PRAG1: variants seen among roughly 807,000 people sequenced by gnomAD.
The protein encoded by PRAG1 is inactive tyrosine-protein kinase PRAG1.
In PRAG1, 110 loss-of-function variants were observed where a neutral mutation model predicts 95.6. The ratio of observed to expected loss-of-function variants is 1.15; its 90% CI spans 0.99 to 1.35. The LOEUF is 1.35. Among genes scored for constraint, PRAG1 ranks in the 40% most tolerant of loss-of-function variants. PRAG1 has a pLI of 0.00. For missense variants in PRAG1, 2,554 were observed against 1,864.7 expected (o/e 1.37, Z -6.81); for synonymous variants, 1,052 against 819.4 (o/e 1.28, Z -4.85).
intron 3 of PRAG1, among the ~76,000 whole-genome samples, chr8:8,348,206 C>A (rs999187652): frequency 6.6e-6 from 1 of 152,184 alleles, no homozygotes; most frequent in Admixed American, 6.5e-5. Flanking sequence ...CATGAGCCAC[C>A]ACACCCAGCA....
rs1799941418 is a variant in PRAG1, at chr8:8,364,449, A to G, written c.2162+11798T>C. Among the ~76,000 whole-genome samples, 3 of 152,212 alleles carry G rather than the reference A, an allele frequency of 2.0e-5. No homozygotes were observed. The South Asian group carries it at 6.2e-4, about 32-fold the overall frequency. Reference sequence around the variant, plus strand: ...GATACACTGCTTTAATTTCTCACCCATCTATTAACTGCTGATGGCATCCTC... The same window carrying G: ...GATACACTGCTTTAATTTCTCACCCGTCTATTAACTGCTGATGGCATCCTC... On this transcript the variant is annotated intron_variant, in intron 3 of 5. Transcript: ENST00000615670.
intron 4 of PRAG1, among the ~76,000 whole-genome samples, chr8:8,333,298 T>A (rs1399214163): frequency 6.6e-6 from 1 of 152,216 alleles, no homozygotes; most frequent in Non-Finnish European, 1.5e-5. Context: ...TCCTTCGAAT[T>A]TCCAATTCTG....
In PRAG1 at chr8:8,377,611, G is replaced by A. The variant is rs971245254; in HGVS notation, c.798C>T (p.Ala266=). Residue 266 remains alanine, a synonymous_variant, in exon 3 of 6, where the codon GCC becomes GCT. Transcript: ENST00000615670. ...ILDCCPGSPV[A]KAASQTAGSR... is the part of the protein sequence containing the mutation. ...AACCTGCAGTCTGGGAGGCAGCCTT[G>A]GCAACAGGGCTCCCAGGGCAGCAGT... The A allele has an allele frequency of 1.9e-6, 3 of 1,613,086 alleles. No homozygotes were observed. Among genetic ancestry groups the A allele is most frequent in the Non-Finnish European group, 2.5e-6 (3 of 1,179,896 alleles).
At position 8,373,454 on chromosome 8, in the gene PRAG1, A is replaced by ATTTTTTTTTTT. The variant is rs796490286; in HGVS notation, c.2162+2782_2162+2792dup. On this transcript the variant is annotated intron_variant, in intron 3 of 5. Transcript: ENST00000615670. ...CTCTTAAGCTAATTTTATTTTCTAG[A>ATTTTTTTTTTT]TTTTTTTTTTTTTGAGACAGGGTCT... is the stretch of plus-strand genomic sequence containing the variant. Among the ~76,000 whole-genome samples the ATTTTTTTTTTT allele has an allele frequency of 2.0e-4, 27 of 138,358 alleles. 1 individual carries two copies. The highest frequency in any genetic ancestry group is 4.1e-4 in the African/African-American group (15 of 36,400). The allele number at this position is 138,358 out of a possible 152,430, so 90.8% of individuals were successfully genotyped here. A position where few individuals can be genotyped will look rare whatever the true frequency, so the allele number is the denominator to read the frequency against.
In PRAG1 at chr8:8,318,811, A is replaced by G. The variant is rs1233353157; in HGVS notation, c.3564T>C (p.Ala1188=). 1 of 1,409,114 alleles carries G rather than the reference A, an allele frequency of 7.1e-7. No homozygotes were observed. Among genetic ancestry groups the G allele is most frequent in the African/African-American group, 1.5e-5 (1 of 65,124 alleles). The allele number at this position is 1,409,114 out of a possible 1,614,324, so 87.3% of individuals were successfully genotyped here. Reference sequence around the variant, plus strand: ...CGGCTGCGGGGCTGAGAGTGCCACCAGCAGGCGGGGCGGCAGAGGAGCAGG... The same window carrying G: ...CGGCTGCGGGGCTGAGAGTGCCACCGGCAGGCGGGGCGGCAGAGGAGCAGG... ...APPCSSAAPP[A]GGTLSPAAGP... The change falls in exon 6 of 6, where the codon GCT becomes GCC. Residue 1188 remains alanine, a synonymous_variant. Coordinates refer to ENST00000615670, the MANE Select transcript of PRAG1 (RefSeq NM_001080826.3). This position sits in a 1 kb window ranked among gnomAD's most constrained non-coding sequence, Gnocchi z 4.2.
intron 3 of PRAG1, among the ~76,000 whole-genome samples, chr8:8,345,469 C>T (rs1043702033): frequency 5.3e-5 from 8 of 151,936 alleles, no homozygotes; most frequent in African/African-American, 1.9e-4. Context: ...TCTTCCAAAA[C>T]ACACGTAGGT....
intron 1 of PRAG1, among the ~76,000 whole-genome samples, chr8:8,383,185 G>A (rs1800740861): frequency 6.6e-6 from 1 of 152,132 alleles, no homozygotes; most frequent in Non-Finnish European, 1.5e-5. Flanking sequence ...AGTGTTTGTG[G>A]GAAGTGCTCT....
At chr8:8,382,388 G>T (rs1488292279) in intron 1 of PRAG1, among the ~76,000 whole-genome samples, 1 of 152,252 alleles carries the variant, frequency 6.6e-6, no homozygotes, top group East Asian at 1.9e-4. Flanking sequence ...AGAAAGGAAT[G>T]GTTGGGAAAC....
At position 8,325,130 on chromosome 8, in the gene PRAG1, C is replaced by T. The variant is rs375336178; in HGVS notation, c.3072+2580G>A. ...TGGCTGGGAAGGGAGACCCACTCCC[C>T]CTCCTGCGGATCCCCAGATGACTGT... is the stretch of plus-strand genomic sequence containing the variant. On this transcript the variant is annotated intron_variant, in intron 5 of 5. Coordinates refer to ENST00000615670, the MANE Select transcript of PRAG1 (RefSeq NM_001080826.3). Among the ~76,000 whole-genome samples the T allele has an allele frequency of 3.9e-5, 6 of 152,238 alleles. No homozygotes were observed. The East Asian group carries it at 5.8e-4, about 15-fold the overall frequency.
rs763824105 is a variant in PRAG1 at position 8,318,982 on chromosome 8, G to A, written c.3393C>T (p.Asn1131=). 3 of 1,613,364 alleles carry A rather than the reference G, an allele frequency of 1.9e-6. No individual in the cohort carries two copies. Among genetic ancestry groups the A allele is most frequent in the South Asian group, 1.1e-5 (1 of 91,076 alleles). The change falls in exon 6 of 6, where the codon AAC becomes AAT. Residue 1131 remains asparagine (N), a synonymous_variant. Coordinates refer to ENST00000615670, the MANE Select transcript of PRAG1 (RefSeq NM_001080826.3). This position sits in a 1 kb window ranked among gnomAD's most constrained non-coding sequence, Gnocchi z 4.2. ...RVCFLLLQLC[N]GLEHLKEHGI... is the part of the protein sequence containing the mutation. Reference sequence around the variant, plus strand: ...CGTGCTCCTTCAGGTGCTCCAGCCCGTTGCAGAGTTGCAGAAGCAGGAAGC... The same window carrying A: ...CGTGCTCCTTCAGGTGCTCCAGCCCATTGCAGAGTTGCAGAAGCAGGAAGC...
At chr8:8,336,114 T>G (rs1416411226) in intron 4 of PRAG1, among the ~76,000 whole-genome samples, 1 of 152,214 alleles carries the variant, frequency 6.6e-6, no homozygotes, top group Non-Finnish European at 1.5e-5. Context: ...ATATGAACTG[T>G]ATTTTCAGAC....
At chr8:8,342,432 G>C (rs1307453160) in intron 3 of PRAG1, among the ~76,000 whole-genome samples, 1 of 151,954 alleles carries the variant, frequency 6.6e-6, no homozygotes, top group African/African-American at 2.4e-5. Context: ...CCCTGACCTC[G>C]TGATCTGCCC....
intron 3 of PRAG1, among the ~76,000 whole-genome samples, chr8:8,350,247 G>A (rs1285313464): frequency 6.6e-6 from 1 of 152,212 alleles, no homozygotes; most frequent in African/African-American, 2.4e-5. Flanking sequence ...GGGGTATCCA[G>A]GTGCGGAGGT....
chr8:8,359,203 C>T (rs1198424304), intron 3 of PRAG1, among the ~76,000 whole-genome samples: 1 of 151,912 alleles, frequency 6.6e-6, no homozygotes, highest in Non-Finnish European at 1.5e-5. Context: ...ATAGTTTTTC[C>T]TCTTCAAACT....
At chr8:8,336,485 C>T (rs1380725401) in intron 4 of PRAG1, among the ~76,000 whole-genome samples, 1 of 152,194 alleles carries the variant, frequency 6.6e-6, no homozygotes, top group Non-Finnish European at 1.5e-5. Context: ...TTTCCTTGCA[C>T]TGAGTTGACT....
intron 2 of PRAG1, among the ~76,000 whole-genome samples, chr8:8,379,756 T>C (rs190403029): frequency 2.6e-5 from 4 of 152,350 alleles, no homozygotes; most frequent in Admixed American, 2.6e-4. Context: ...AGACAGCAGA[T>C]GCCAGCAGAC....
chr8:8,346,806 C>G (rs1226103249), intron 3 of PRAG1, among the ~76,000 whole-genome samples: 1 of 152,200 alleles, frequency 6.6e-6, no homozygotes, highest in Non-Finnish European at 1.5e-5. Context: ...TTCATTCTCA[C>G]TGCCCCTGAC....
rs1798385269 is a variant in PRAG1 at position 8,319,019 on chromosome 8, T to C, written c.3356A>G (p.Glu1119Gly). ...ASHQAEPEAY[E>G]RRVCFLLLQL... The stretch of plus-strand genomic sequence containing the variant: ...CAGAAGCAGGAAGCACACGCGCCGC[T>C]CGTACGCCTCGGGCTCCGCCTGGTG... Residue 1119 changes from glutamate (E) to glycine (G), a missense_variant, in exon 6 of 6, where the codon GAG (glutamate) becomes GGG (glycine). Glu to Gly is a moderately conservative substitution (Grantham distance 98). Transcript: ENST00000615670. The C allele has an allele frequency of 6.2e-7, 1 of 1,613,282 alleles. No homozygotes were observed. The highest frequency in any genetic ancestry group is 2.2e-5 in the East Asian group (1 of 44,830).
At chr8:8,381,307 C>G (rs1473501020) in intron 2 of PRAG1, 111 bp downstream of exon 2, 1 of 1,046,350 alleles carries the variant, frequency 9.6e-7, no homozygotes, top group Admixed American at 2.6e-5. Flanking sequence ...TGACAGGAAG[C>G]TATCCTGCAG....
Sources: gnomAD v4.1 joint callset for allele counts (sites outside exome capture counted in the v4.1 genomes callset) on GRCh38, gnomAD v4.1.1 for gene constraint, Gnocchi (gnomAD v3.1) non-coding constraint, MANE v1.5 for transcripts, NCBI Gene and HGNC (gene_info 2026-07-23, HGNC 2026-07-21) for gene names.